PRDM6: variants seen among roughly 807,000 people sequenced by gnomAD.
The protein encoded by PRDM6 is PR/SET domain 6, also known as putative histone-lysine N-methyltransferase PRDM6.
In PRDM6, 25 loss-of-function variants were observed where a neutral mutation model predicts 60.8. The ratio of observed to expected loss-of-function variants is 0.41; its 90% CI spans 0.30 to 0.57. PRDM6 has a LOEUF of 0.57. PRDM6 is among the 20% of genes least tolerant of loss of function. PRDM6 has a pLI of 0.27. For missense variants in PRDM6, 839 were observed against 821.3 expected (o/e 1.02, Z -0.26); for synonymous variants, 407 against 357.4 (o/e 1.14, Z -1.57).
At chr5:123,172,624 G>T (rs1176205828) in intron 6 of PRDM6, among the ~76,000 whole-genome samples, 1 of 152,194 alleles carries the variant, frequency 6.6e-6, no homozygotes, top group Non-Finnish European at 1.5e-5. Flanking sequence ...TACAAAAGAT[G>T]CATTAAAATC....
intron 3 of PRDM6, among the ~76,000 whole-genome samples, chr5:123,148,076 C>A (rs1765287458): frequency 6.6e-6 from 1 of 152,346 alleles, no homozygotes; most frequent in African/African-American, 2.4e-5. Flanking sequence ...CAAACAACAC[C>A]ACAGGTGTTT....
At chr5:123,181,872 G>T (rs1413615951) in intron 7 of PRDM6, among the ~76,000 whole-genome samples, 1 of 152,132 alleles carries the variant, frequency 6.6e-6, no homozygotes, top group Non-Finnish European at 1.5e-5. Context: ...TGCCAGTGAA[G>T]GGAGAAGTTC....
intron 5 of PRDM6, among the ~76,000 whole-genome samples, chr5:123,163,375 G>A (rs1765678742): frequency 6.6e-6 from 1 of 151,942 alleles, no homozygotes; most frequent in Admixed American, 6.6e-5. Flanking sequence ...ATTTCCTATC[G>A]AGAGTGTGCG....
intron 1 of PRDM6, 60 bp from the exon 2 acceptor site, chr5:123,089,940 C>T: frequency 7.6e-7 from 1 of 1,310,204 alleles, no homozygotes; most frequent in South Asian, 1.3e-5. Context: ...CCCAGTGGCC[C>T]TCTTCCCGGC....
At chr5:123,109,083 G>C (rs1764253618) in intron 3 of PRDM6, among the ~76,000 whole-genome samples, 1 of 152,038 alleles carries the variant, frequency 6.6e-6, no homozygotes, top group African/African-American at 2.4e-5. Flanking sequence ...ATATTTTATA[G>C]CACGTGTCTT....
At chr5:123,129,997 ATTTCCCTTTCCT>A (rs1040665007) in intron 3 of PRDM6, among the ~76,000 whole-genome samples, 11 of 84,992 alleles carry the variant, frequency 1.3e-4, no homozygotes, top group Non-Finnish European at 2.1e-4. Context: ...TTCCCTTCCC[ATTTCCCTTTCCT>A]TTTCCCTTTC....
intron 4 of PRDM6, among the ~76,000 whole-genome samples, chr5:123,158,809 T>C (rs977363794): frequency 1.3e-5 from 2 of 152,010 alleles, no homozygotes; most frequent in Non-Finnish European, 2.9e-5. Context: ...AAAACCAGTC[T>C]CAGTCTCCTC....
chr5:123,138,906 A>G (rs1306422399), intron 3 of PRDM6, among the ~76,000 whole-genome samples: 1 of 152,132 alleles, frequency 6.6e-6, no homozygotes, highest in African/African-American at 2.4e-5. Context: ...TCCTCGCCCA[A>G]ATCTCATCTT....
chr5:123,160,509 T>C (rs1765603395), intron 5 of PRDM6, among the ~76,000 whole-genome samples: 1 of 152,264 alleles, frequency 6.6e-6, no homozygotes, highest in African/African-American at 2.4e-5. Context: ...CAGATATCTT[T>C]TGATAATGGA....
In PRDM6 at chr5:123,140,069, A is replaced by T. The variant is rs146654780; in HGVS notation, c.901-15815A>T. ...AATAGTTTATATCAAACCATTCAAAAATTTTCTAAGCACTGTTGCAAGCTC... is the reference window on the plus strand; with the variant it reads ...AATAGTTTATATCAAACCATTCAAATATTTTCTAAGCACTGTTGCAAGCTC... On this transcript the variant is annotated intron_variant, in intron 3 of 7. Coordinates refer to ENST00000407847, the MANE Select transcript of PRDM6 (RefSeq NM_001136239.4). Among the ~76,000 whole-genome samples the T allele has an allele frequency of 3.7e-3, 565 of 152,260 alleles. 5 individuals are homozygous for T. Among genetic ancestry groups the T allele is most frequent in the South Asian group, 8.3e-3 (40 of 4,820 alleles).
chr5:123,104,015 CAT>C (rs1295620496), intron 3 of PRDM6, among the ~76,000 whole-genome samples: 9 of 152,010 alleles, frequency 5.9e-5, no homozygotes, highest in Admixed American at 5.9e-4. Context: ...GTCTCGTTTT[CAT>C]TTGCACTATG....
chr5:123,096,122 C>T (rs1160533794), intron 2 of PRDM6, among the ~76,000 whole-genome samples: 2 of 90 alleles, frequency 0.022, no homozygotes, highest in African/African-American at 0.056. Flanking sequence ...GACAGATTTA[C>T]TCAAGATAGA....
At chr5:123,148,032 T>G (rs1489507374) in intron 3 of PRDM6, among the ~76,000 whole-genome samples, 1 of 152,224 alleles carries the variant, frequency 6.6e-6, no homozygotes, top group Non-Finnish European at 1.5e-5. Flanking sequence ...CATTTCCATT[T>G]CTTCACATGG....
intron 3 of PRDM6, among the ~76,000 whole-genome samples, chr5:123,146,920 A>G (rs1328538231): frequency 1.3e-5 from 2 of 152,228 alleles, no homozygotes; most frequent in African/African-American, 2.4e-5. Context: ...AGCAATCTTT[A>G]TAAGCCCCCA....
chr5:123,166,287 T>C (rs1765750796), intron 5 of PRDM6, among the ~76,000 whole-genome samples: 1 of 152,216 alleles, frequency 6.6e-6, no homozygotes. Flanking sequence ...ATTCCATCTT[T>C]TTGCATTGCC....
chr5:123,187,039 C>G, intron 7 of PRDM6, 48 bp from the exon 8 acceptor site: 1 of 1,396,004 alleles, frequency 7.2e-7, no homozygotes. Context: ...GCCCATCACC[C>G]TGCAGGCCCC....
intron 3 of PRDM6, among the ~76,000 whole-genome samples, chr5:123,121,988 C>G (rs955638096): frequency 4.0e-5 from 6 of 151,070 alleles, no homozygotes; most frequent in African/African-American, 1.5e-4. Flanking sequence ...ACAGGGAGAC[C>G]CCGTCTCTAC....
At chr5:123,141,070 T>C (rs760984015) in intron 3 of PRDM6, among the ~76,000 whole-genome samples, 9 of 152,052 alleles carry the variant, frequency 5.9e-5, no homozygotes, top group Admixed American at 2.0e-4. Context: ...GTGCAATTTA[T>C]CATGATTATA....
chr5:123,142,593 C>T (rs1420340141), intron 3 of PRDM6, among the ~76,000 whole-genome samples: 1 of 151,986 alleles, frequency 6.6e-6, no homozygotes, highest in Non-Finnish European at 1.5e-5. Context: ...TTGATCAAAG[C>T]TGACAGGGAA....
Sources: gnomAD v4.1 joint callset for allele counts (sites outside exome capture counted in the v4.1 genomes callset) on GRCh38, gnomAD v4.1.1 for gene constraint, MANE v1.5 for transcripts, NCBI Gene and HGNC (gene_info 2026-07-23, HGNC 2026-07-21) for gene names.